The following HCN1 variants were observed in gnomAD, a reference collection of about 807,000 sequenced individuals.
HCN1 encodes the protein potassium/sodium hyperpolarization-activated cyclic nucleotide-gated channel 1.
In HCN1, 13 loss-of-function variants were observed where a neutral mutation model predicts 78.9. The ratio of observed to expected loss-of-function variants is 0.16; its 90% CI spans 0.11 to 0.26. HCN1 has a LOEUF of 0.26. Among genes scored for constraint, HCN1 ranks in the 10% least tolerant of loss-of-function variants. The pLI is 1.00. For synonymous variants in HCN1, 552 were observed against 455.5 expected, an observed-to-expected ratio of 1.21 and a Z score of -2.70; for missense variants, 810 against 1,154.3, an observed-to-expected ratio of 0.70 and a Z score of 4.32.
chr5:45,373,296 T>C (rs1379642542), intron 4 of HCN1, among the ~76,000 whole-genome samples: 1 of 114,408 alleles, frequency 8.7e-6, no homozygotes, highest in Non-Finnish European at 1.7e-5. Context: ...ATATTATATA[T>C]ATTTTATATA....
intron 5 of HCN1, among the ~76,000 whole-genome samples, chr5:45,310,557 A>G (rs933381829): frequency 6.6e-6 from 1 of 152,146 alleles, no homozygotes; most frequent in Non-Finnish European, 1.5e-5. Flanking sequence ...ACGTTTATAC[A>G]CCCTTGATGG....
In HCN1 at chr5:45,519,329, T is replaced by C. The variant is rs141063220; in HGVS notation, c.850-57322A>G. ...TTGTGGATCCTGAAAACTGTGTTTA[T>C]TGTTTACATTGATAAGTATAGGATA... On this transcript the variant is annotated intron_variant, in intron 2 of 7. Transcript: ENST00000303230. Among the ~76,000 whole-genome samples the C allele has an allele frequency of 7.8e-3, 1,182 of 152,160 alleles. 5 individuals carry two copies. The highest frequency in any genetic ancestry group is 0.065 in the Middle Eastern group (19 of 294).
chr5:45,630,913 A>C (rs149573797), intron 2 of HCN1, among the ~76,000 whole-genome samples: 2 of 152,296 alleles, frequency 1.3e-5, no homozygotes, highest in African/African-American at 4.8e-5. Flanking sequence ...GTATATGCAT[A>C]GCATATGAGT....
chr5:45,384,598 T>C (rs1314440572), intron 4 of HCN1, among the ~76,000 whole-genome samples: 1 of 152,180 alleles, frequency 6.6e-6, no homozygotes. Flanking sequence ...GTTCATCAAA[T>C]GTTTGATCTT....
At chr5:45,348,813 G>C (rs1746813008) in intron 5 of HCN1, among the ~76,000 whole-genome samples, 1 of 152,208 alleles carries the variant, frequency 6.6e-6, no homozygotes, top group Non-Finnish European at 1.5e-5. Context: ...AATTCAACAA[G>C]AAGAGCTAAC....
chr5:45,693,755 C>T (rs1944306276), intron 1 of HCN1, among the ~76,000 whole-genome samples: 1 of 151,670 alleles, frequency 6.6e-6, no homozygotes, highest in African/African-American at 2.4e-5. Context: ...AGTTTAATTA[C>T]TTGATGTGTG....
At chr5:45,379,621 C>T (rs1004032651) in intron 4 of HCN1, among the ~76,000 whole-genome samples, 2 of 151,922 alleles carry the variant, frequency 1.3e-5, no homozygotes, top group African/African-American at 4.8e-5. Context: ...TTGTGTTTTT[C>T]TGCTTAAGAA....
At chr5:45,616,323 G>C (rs1019923563) in intron 2 of HCN1, among the ~76,000 whole-genome samples, 1 of 151,912 alleles carries the variant, frequency 6.6e-6, no homozygotes, top group Admixed American at 6.6e-5. Flanking sequence ...CTTATCAGAT[G>C]CTCAATTTGA....
chr5:45,303,655 C>G lies in HCN1; in HGVS notation c.1562G>C (p.Gly521Ala). 4 of 1,613,368 alleles carry G rather than the reference C, an allele frequency of 2.5e-6. No individual in the cohort carries two copies. Among genetic ancestry groups the G allele is most frequent in the Non-Finnish European group, 3.4e-6 (4 of 1,179,582 alleles). ...TTCTTTACTGGATTTTGTAATGACA[C>G]CAGCAACACCGTGTTGAATGAAATA... ...KMYFIQHGVA[G>A]VITKSSKEMK... The change falls in exon 6 of 8, where the codon GGT (glycine) becomes GCT (alanine). Residue 521 changes from glycine to alanine, a missense_variant. Around this residue, in one of 6 missense-constraint regions of HCN1, gnomAD observed 100 missense variants for 126.8 expected, o/e 0.79. Transcript: ENST00000303230.
intron 4 of HCN1, among the ~76,000 whole-genome samples, chr5:45,370,531 T>C (rs142361557): frequency 1.3e-5 from 2 of 152,200 alleles, no homozygotes; most frequent in African/African-American, 2.4e-5. Flanking sequence ...TCCTCATTGC[T>C]ACCTTTATAA....
intron 5 of HCN1, among the ~76,000 whole-genome samples, chr5:45,312,024 A>G (rs1436359955): frequency 6.6e-6 from 1 of 152,250 alleles, no homozygotes; most frequent in African/African-American, 2.4e-5. Context: ...CAAGGTGTAC[A>G]TATATTTGTA....
At chr5:45,602,222 C>T (rs1324034056) in intron 2 of HCN1, among the ~76,000 whole-genome samples, 1 of 152,038 alleles carries the variant, frequency 6.6e-6, no homozygotes, top group Non-Finnish European at 1.5e-5. Flanking sequence ...TAATGCTTCC[C>T]CAGTACATCA....
intron 2 of HCN1, among the ~76,000 whole-genome samples, chr5:45,621,401 C>T (rs1745059853): frequency 6.6e-6 from 1 of 151,640 alleles, no homozygotes; most frequent in South Asian, 2.1e-4. Context: ...GAGATAGTGA[C>T]AAAGCTGAAA....
chr5:45,259,524 G>A lies in HCN1; in HGVS notation c.*2397C>T, dbSNP rs1427085119. 1 of 151,990 alleles carries A rather than the reference G, an allele frequency of 6.6e-6. No individual in the cohort carries two copies. Among genetic ancestry groups the A allele is most frequent in the Non-Finnish European group, 1.5e-5 (1 of 67,840 alleles). The allele number at this position is 151,990 out of a possible 1,614,324, so 9.4% of individuals were successfully genotyped here. A position where few individuals can be genotyped will look rare whatever the true frequency, so the allele number is the denominator to read the frequency against. The stretch of plus-strand genomic sequence containing the variant: ...GGACCTTTATATTACAGGAATGTGA[G>A]TCATTTTTTTTTCTTAATCTAAGTA... On this transcript the variant is annotated 3_prime_UTR_variant, in exon 8 of 8. Transcript: ENST00000303230.
chr5:45,370,595 A>G (rs921115662), intron 4 of HCN1, among the ~76,000 whole-genome samples: 3 of 152,042 alleles, frequency 2.0e-5, no homozygotes, highest in African/African-American at 7.2e-5. Context: ...ATTTTTATTG[A>G]TGTTCAAAGT....
At chr5:45,574,986 G>A (rs1280139777) in intron 2 of HCN1, 1 of 152,230 alleles carries the variant, frequency 6.6e-6, no homozygotes. Flanking sequence ...TCTAAGGAAA[G>A]AAGTAATGTC....
chr5:45,581,942 A>T (rs1273445542), intron 2 of HCN1, among the ~76,000 whole-genome samples: 7 of 152,202 alleles, frequency 4.6e-5, no homozygotes, highest in African/African-American at 1.7e-4. Flanking sequence ...TACAGTTTGA[A>T]GTCAGGTAGT....
intron 4 of HCN1, among the ~76,000 whole-genome samples, chr5:45,384,525 G>T (rs1002969830): frequency 1.3e-5 from 2 of 151,950 alleles, no homozygotes; most frequent in African/African-American, 2.4e-5. Flanking sequence ...TCAATATATT[G>T]CTCACTTAAC....
rs373630913 is a variant in HCN1, at chr5:45,576,127, G to C, written c.849+69058C>G. 4 of 152,182 alleles carry C rather than the reference G, an allele frequency of 2.6e-5. 1 individual carries two copies. The South Asian group carries it at 8.3e-4, about 32-fold the overall frequency. The allele number at this position is 152,182 out of a possible 1,614,324, so 9.4% of individuals were successfully genotyped here. A position where few individuals can be genotyped will look rare whatever the true frequency, so the allele number is the denominator to read the frequency against. ...CAAGAATTCAATGGAAGAAGTAACT[G>C]CAGATGTGTTGGAAATAATAAAAGA... On this transcript the variant is annotated intron_variant, in intron 2 of 7. Coordinates refer to ENST00000303230, the MANE Select transcript of HCN1 (RefSeq NM_021072.4).
Sources: gnomAD v4.1 joint callset for allele counts (sites outside exome capture counted in the v4.1 genomes callset) on GRCh38, gnomAD v4.1.1 for gene constraint, gnomAD v4.1.1 regional missense constraint, MANE v1.5 for transcripts, NCBI Gene and HGNC (gene_info 2026-07-23, HGNC 2026-07-21) for gene names.